Variants in CEP135 observed in about 807,000 individuals in gnomAD.
The protein encoded by CEP135 is centrosomal protein of 135 kDa.
A neutral mutation model predicts 157.3 loss-of-function variants in CEP135; 142 were observed. That is an observed-to-expected ratio of 0.90 (90% CI 0.79 to 1.04). The LOEUF is 1.04. Among genes scored for constraint, CEP135 ranks in the 50% least tolerant of loss-of-function variants. The probability of loss-of-function intolerance (pLI) is 0.00; values close to 1 mark genes in which losing one functional copy is unlikely to be tolerated. For synonymous variants in CEP135, 396 were observed against 439.8 expected (o/e 0.90, Z 1.25); for missense variants, 1,317 against 1,309.2 (o/e 1.01, Z -0.09).
chr4:55,985,266 A>C lies in CEP135; in HGVS notation c.1780-15A>C, dbSNP rs968882138. The C allele has an allele frequency of 6.9e-7, 1 of 1,441,596 alleles. No homozygotes were observed. Among genetic ancestry groups the C allele is most frequent in the Admixed American group, 1.7e-5 (1 of 57,712 alleles). The allele number at this position is 1,441,596 out of a possible 1,614,324, so 89.3% of individuals were successfully genotyped here. ...TCTGATACAAATGAACATTTTCTTT[A>C]ACATTCTTTTTCAGCATATTGAAGA... On this transcript the variant is annotated splice_polypyrimidine_tract_variant and intron_variant, in intron 13 of 25. Coordinates refer to ENST00000257287, the MANE Select transcript of CEP135 (RefSeq NM_025009.5).
At chr4:56,015,116 C>T (rs2702357) in intron 21 of CEP135, among the ~76,000 whole-genome samples, 82,567 of 151,994 alleles carry the variant, frequency 0.54, 22,711 homozygotes, top group African/African-American at 0.63. Context: ...TAGTGTGCTC[C>T]AGAGTATGGC....
intron 10 of CEP135, among the ~76,000 whole-genome samples, chr4:55,972,892 C>T (rs1206846628): frequency 1.3e-5 from 2 of 152,008 alleles, no homozygotes; most frequent in Admixed American, 6.6e-5. Context: ...ACTAGCTGGG[C>T]GTGGTGGTGG....
Position 55,981,323 on chromosome 4 carries a change from T to A in CEP135, c.1723T>A (p.Leu575Ile). Residue 575 changes from leucine (L) to isoleucine (I), a missense_variant, in exon 13 of 26, where the codon TTA (leucine) becomes ATA (isoleucine). By Grantham distance (5) the Leu-to-Ile change is conservative. Coordinates refer to ENST00000257287, the MANE Select transcript of CEP135 (RefSeq NM_025009.5). ...SLMEKEKELA[L>I]SDLRRIMAEK... Reference sequence around the variant, plus strand: ...TATGGAAAAGGAAAAAGAACTTGCGTTATCTGACTTAAGAAGAATTATGGC... The same window carrying A: ...TATGGAAAAGGAAAAAGAACTTGCGATATCTGACTTAAGAAGAATTATGGC... The A allele has an allele frequency of 1.3e-6, 2 of 1,596,736 alleles. No homozygotes were observed. Among genetic ancestry groups the A allele is most frequent in the Non-Finnish European group, 1.7e-6 (2 of 1,174,812 alleles).
At chr4:56,010,360 CAAA>C (rs34182911) in intron 19 of CEP135, among the ~76,000 whole-genome samples, 12 of 110,922 alleles carry the variant, frequency 1.1e-4, no homozygotes, top group Non-Finnish European at 9.5e-5. Flanking sequence ...AGACTCCATC[CAAA>C]AAAAAAAAAA....
chr4:55,983,651 T>G (rs11732496), intron 13 of CEP135, among the ~76,000 whole-genome samples: 33,054 of 148,868 alleles, frequency 0.22, 3,650 homozygotes, highest in Middle Eastern at 0.28. Flanking sequence ...TTTTTTTTTT[T>G]GAGGGGCAGT....
intron 5 of CEP135, among the ~76,000 whole-genome samples, chr4:55,958,690 C>T (rs1450322997): frequency 1.3e-5 from 2 of 152,104 alleles, no homozygotes; most frequent in African/African-American, 2.4e-5. Context: ...ATACTCTTCT[C>T]CTAAACCTAG....
chr4:55,974,275 G>C (rs915228511), intron 10 of CEP135, among the ~76,000 whole-genome samples: 8 of 152,112 alleles, frequency 5.3e-5, no homozygotes, highest in Non-Finnish European at 1.2e-4. Flanking sequence ...GATTACTTTT[G>C]ACTCATGAAG....
chr4:55,965,983 T>A (rs1728832638), intron 8 of CEP135, 124 bp downstream of exon 8: 1 of 770,318 alleles, frequency 1.3e-6, no homozygotes, highest in Admixed American at 2.9e-5. Context: ...TTTTTGTTTT[T>A]TTGCTTTGGT....
At chr4:56,030,415 A>G (rs1377671957) in intron 25 of CEP135, among the ~76,000 whole-genome samples, 2 of 152,182 alleles carry the variant, frequency 1.3e-5, no homozygotes, top group Non-Finnish European at 2.9e-5. Flanking sequence ...ATCATTATGG[A>G]ACATATGACC....
At chr4:56,008,115 G>C (rs553069689) in intron 17 of CEP135, among the ~76,000 whole-genome samples, 3 of 152,184 alleles carry the variant, frequency 2.0e-5, no homozygotes, top group Admixed American at 2.0e-4. Context: ...TCTCATTAAA[G>C]CAAACTCAAG....
At chr4:56,009,974 T>C in intron 19 of CEP135, 71 bp downstream of exon 19, 1 of 1,419,954 alleles carries the variant, frequency 7.0e-7, no homozygotes, top group South Asian at 1.3e-5. Context: ...AAGCTCTAAA[T>C]ATTTTTTCTA....
chr4:55,983,899 C>T (rs1447488121), intron 13 of CEP135, among the ~76,000 whole-genome samples: 2 of 152,154 alleles, frequency 1.3e-5, no homozygotes, highest in Non-Finnish European at 2.9e-5. Flanking sequence ...TGCCCAAGGT[C>T]ATCCAGCTAT....
At chr4:55,967,821 A>G (rs755419366) in intron 8 of CEP135, among the ~76,000 whole-genome samples, 1 of 152,184 alleles carries the variant, frequency 6.6e-6, no homozygotes, top group African/African-American at 2.4e-5. Flanking sequence ...ACAAACAATC[A>G]TACTCAGTGG....
At chr4:55,969,428 T>TAAAA (rs5858359) in intron 9 of CEP135, among the ~76,000 whole-genome samples, 3 of 129,126 alleles carry the variant, frequency 2.3e-5, no homozygotes, top group East Asian at 2.2e-4. Context: ...ACTCCATCTT[T>TAAAA]AAAAAAAAAA....
intron 6 of CEP135, 35 bp from the exon 7 acceptor site, chr4:55,964,239 G>C: frequency 6.4e-7 from 1 of 1,574,730 alleles, no homozygotes; most frequent in Non-Finnish European, 8.6e-7. Context: ...TTGAAAACCA[G>C]ATTTTTTAAA....
chr4:56,029,698 G>A (rs375253573), intron 25 of CEP135, among the ~76,000 whole-genome samples: 13 of 152,294 alleles, frequency 8.5e-5, no homozygotes, highest in African/African-American at 2.9e-4. Context: ...AATCTGTACA[G>A]CATGTTACTG....
At chr4:56,006,447 CTT>C (rs1730348285) in intron 17 of CEP135, among the ~76,000 whole-genome samples, 1 of 151,982 alleles carries the variant, frequency 6.6e-6, no homozygotes, top group Admixed American at 6.6e-5. Flanking sequence ...ATTTCAACCT[CTT>C]TGTTAAATTT....
intron 14 of CEP135, 56 bp downstream of exon 14, chr4:55,985,414 T>G: frequency 1.3e-6 from 1 of 780,678 alleles, no homozygotes; most frequent in South Asian, 2.4e-5. Context: ...ACTATGTCAA[T>G]TACAGTTTTA....
At position 55,969,093 on chromosome 4, in the gene CEP135, C is replaced by A. The variant is rs764769747; in HGVS notation, c.1075C>A (p.Gln359Lys). 2 of 1,612,978 alleles carry A rather than the reference C, an allele frequency of 1.2e-6. No homozygotes were observed. The highest frequency in any genetic ancestry group is 1.1e-5 in the South Asian group (1 of 90,956). Residue 359 changes from glutamine to lysine, a missense_variant, in exon 9 of 26, where the codon CAG (glutamine) becomes AAG (lysine). Coordinates refer to ENST00000257287, the MANE Select transcript of CEP135 (RefSeq NM_025009.5). ...KEIKRKLSEM[Q>K]DLEETMAKLQ... ...GATTAAAAGAAAGCTCTCTGAAATG[C>A]AGGATCTTGAAGAAACAATGGCAAA...
Sources: gnomAD v4.1 joint callset for allele counts (sites outside exome capture counted in the v4.1 genomes callset) on GRCh38, gnomAD v4.1.1 for gene constraint, MANE v1.5 for transcripts, NCBI Gene and HGNC (gene_info 2026-07-23, HGNC 2026-07-21) for gene names.